DENND2B: variants seen among roughly 807,000 people sequenced by gnomAD.
DENND2B encodes DENN domain containing 2B, also known as DENN domain-containing protein 2B.
A neutral mutation model predicts 116.0 loss-of-function variants in DENND2B; 32 were observed. The ratio of observed to expected loss-of-function variants is 0.28; its 90% confidence interval spans 0.21 to 0.37. DENND2B has a LOEUF of 0.37. DENND2B is among the 10% of genes least tolerant of loss of function. The pLI is 1.00. For synonymous variants in DENND2B, 588 were observed against 583.9 expected, an observed-to-expected ratio of 1.01 and a Z score of -0.10; for missense variants, 1,276 against 1,477.7, an observed-to-expected ratio of 0.86 and a Z score of 2.24.
intron 1 of DENND2B, among the ~76,000 whole-genome samples, chr11:8,753,184 C>A (rs2052866561): frequency 6.6e-6 from 1 of 152,112 alleles, no homozygotes; most frequent in African/African-American, 2.4e-5. Context: ...TTGCAGCAAG[C>A]CAAGATTGCA....
At chr11:8,842,313 T>G (rs1397528365) in intron 3 of DENND2B, among the ~76,000 whole-genome samples, 1 of 152,212 alleles carries the variant, frequency 6.6e-6, no homozygotes, top group East Asian at 1.9e-4. Flanking sequence ...TACCTTGCTG[T>G]GCTGGTCACA....
At chr11:8,751,779 C>T (rs1186230861) in intron 1 of DENND2B, among the ~76,000 whole-genome samples, 1 of 152,196 alleles carries the variant, frequency 6.6e-6, no homozygotes, top group African/African-American at 2.4e-5. Flanking sequence ...TCCATCTCTC[C>T]TCATTCCTTA....
At chr11:8,757,455 T>C (rs1305784028) in intron 1 of DENND2B, among the ~76,000 whole-genome samples, 2 of 152,104 alleles carry the variant, frequency 1.3e-5, no homozygotes, top group East Asian at 3.9e-4. Flanking sequence ...AGAAGCTAAC[T>C]GTGAAGGGAG....
intron 1 of DENND2B, among the ~76,000 whole-genome samples, chr11:8,806,920 T>TTC (rs2060912800): frequency 6.6e-6 from 1 of 151,088 alleles, no homozygotes; most frequent in African/African-American, 2.4e-5. Flanking sequence ...TTTTTTTTTT[T>TTC]CTTTTTCTTT....
In DENND2B at chr11:8,730,952, G is replaced by A. The variant is rs758620105; in HGVS notation, c.338C>T (p.Ala113Val). 6.2e-6 allele frequency: 10 copies of A among 1,614,246 alleles called. No individual in the cohort carries two copies. The South Asian group carries it at 1.1e-4, about 18-fold the overall frequency. ...DRSPSACKRD[A>V]QKESVQGAAQ... ...TGCGCCTTGGACACTTTCCTTTTGG[G>A]CGTCTCTCTTGCACGCCGAAGGGCT... Residue 113 changes from alanine to valine, a missense_variant, in exon 3 of 20, where the codon GCC (alanine) becomes GTC (valine). Around this residue, in one of 2 missense-constraint regions of DENND2B, gnomAD observed 856 missense variants for 846.6 expected, o/e 1.01. Coordinates refer to ENST00000313726, the MANE Select transcript of DENND2B (RefSeq NM_213618.2). This position sits in a 1 kb window ranked among gnomAD's most constrained non-coding sequence, Gnocchi z 4.1.
At chr11:8,849,661 A>G (rs192504616) in intron 3 of DENND2B, among the ~76,000 whole-genome samples, 51 of 151,678 alleles carry the variant, frequency 3.4e-4, no homozygotes, top group Non-Finnish European at 5.0e-4. Context: ...CATCACTACT[A>G]AAGATACAAA....
intron 2 of DENND2B, among the ~76,000 whole-genome samples, chr11:8,748,714 C>T (rs531833876): frequency 2.2e-4 from 34 of 151,208 alleles, no homozygotes; most frequent in Middle Eastern, 3.4e-3. Context: ...TTAGGCACAT[C>T]TGAGGCTCAG....
intron 3 of DENND2B, among the ~76,000 whole-genome samples, chr11:8,840,837 C>T (rs536043204): frequency 6.6e-6 from 1 of 150,928 alleles, no homozygotes; most frequent in South Asian, 2.1e-4. Context: ...GGCCTGGCCA[C>T]GGAACTGAAA....
chr11:8,776,426 C>A (rs990663043), intron 1 of DENND2B: 1 of 364,530 alleles, frequency 2.7e-6, no homozygotes, highest in Non-Finnish European at 5.4e-6. Context: ...CTAGCCCAGT[C>A]ACTGAGGACA....
chr11:8,875,165 T>C (rs1298060628), upstream of DENND2B, among the ~76,000 whole-genome samples: 2 of 151,632 alleles, frequency 1.3e-5, no homozygotes, highest in African/African-American at 4.8e-5. Flanking sequence ...CTACTAAAGA[T>C]ACAAAAAATT....
chr11:8,735,066 T>C (rs1031609753), intron 2 of DENND2B, among the ~76,000 whole-genome samples: 2 of 151,800 alleles, frequency 1.3e-5, no homozygotes, highest in Non-Finnish European at 2.9e-5. Flanking sequence ...GCTCAGGCTA[T>C]GGAAAGGTGG....
chr11:8,823,211 G>A (rs1259516170), intron 4 of DENND2B, among the ~76,000 whole-genome samples: 1 of 151,862 alleles, frequency 6.6e-6, no homozygotes, highest in Admixed American at 6.6e-5. Flanking sequence ...AGAATGTCAG[G>A]GACATAATTT....
chr11:8,840,504 A>G (rs1012784513), intron 3 of DENND2B, among the ~76,000 whole-genome samples: 3 of 152,142 alleles, frequency 2.0e-5, no homozygotes, highest in Non-Finnish European at 4.4e-5. Context: ...CCCAGCACCA[A>G]CGCAATGAAC....
intron 1 of DENND2B, among the ~76,000 whole-genome samples, chr11:8,803,052 A>T (rs1415623386): frequency 6.6e-6 from 1 of 152,224 alleles, no homozygotes; most frequent in African/African-American, 2.4e-5. Flanking sequence ...ATACAACTTC[A>T]AGGAATCTAG....
chr11:8,754,157 A>T (rs1289171457), intron 1 of DENND2B, among the ~76,000 whole-genome samples: 1 of 152,114 alleles, frequency 6.6e-6, no homozygotes, highest in African/African-American at 2.4e-5. Context: ...TAATGGGAGA[A>T]ATTTTTTGCA....
At chr11:8,748,859 C>G (rs546133743) in intron 2 of DENND2B, among the ~76,000 whole-genome samples, 2 of 152,036 alleles carry the variant, frequency 1.3e-5, no homozygotes, top group African/African-American at 4.8e-5. Flanking sequence ...TCAGCAGTCT[C>G]GAGTCTGCTT....
intron 2 of DENND2B, among the ~76,000 whole-genome samples, chr11:8,737,888 C>G (rs1565792453): frequency 2.6e-5 from 4 of 151,630 alleles, no homozygotes; most frequent in African/African-American, 9.7e-5. Context: ...GCTGGGACTA[C>G]AGGTTCATGC....
Position 8,731,129 on chromosome 11 carries a change from G to A in DENND2B, c.161C>T (p.Ala54Val). The change falls in exon 3 of 20, where the codon GCC becomes GTC. Residue 54 changes from alanine (A) to valine (V), a missense_variant. Coordinates refer to ENST00000313726, the MANE Select transcript of DENND2B (RefSeq NM_213618.2). ...IYPLSDSETS[A>V]CRYPSHSSSR... ...GCTGGAGTGGCTGGGGTACCTGCAG[G>A]CTGAGGTTTCACTATCACTGAGCGG... 2 of 1,592,144 alleles carry A rather than the reference G, an allele frequency of 1.3e-6. No individual in the cohort carries two copies. The highest frequency in any genetic ancestry group is 2.2e-5 in the East Asian group (1 of 44,704).
chr11:8,822,482 T>G (rs574319286), intron 4 of DENND2B, among the ~76,000 whole-genome samples: 2 of 152,346 alleles, frequency 1.3e-5, no homozygotes, highest in South Asian at 4.1e-4. Flanking sequence ...TAGCAACATT[T>G]TTTTAAAGAA....
Sources: allele counts gnomAD v4.1 joint callset (sites outside exome capture counted in the v4.1 genomes callset), GRCh38; gene constraint gnomAD v4.1.1; regional missense constraint gnomAD v4.1.1; non-coding constraint Gnocchi (gnomAD v3.1); transcripts MANE v1.5; gene names NCBI Gene and HGNC (gene_info 2026-07-23, HGNC 2026-07-21).